The following PCDHGA1 variants were observed in gnomAD, a reference collection of about 807,000 sequenced individuals.
The protein encoded by PCDHGA1 is protocadherin gamma-A1.
Under a neutral mutation model 58.0 loss-of-function variants are expected in PCDHGA1, and 32 were observed. The ratio of observed to expected loss-of-function variants is 0.55; its 90% confidence interval spans 0.42 to 0.74. The LOEUF is 0.74. Among genes scored for constraint, PCDHGA1 ranks in the 30% least tolerant of loss-of-function variants. The probability of loss-of-function intolerance (pLI) is 0.00; values close to 1 mark genes in which losing one functional copy is unlikely to be tolerated. For missense variants in PCDHGA1, 1,205 were observed against 1,182.3 expected (o/e 1.02, Z -0.28); for synonymous variants, 498 against 501.1 (o/e 0.99, Z 0.08).
intron 1 of PCDHGA1, chr5:141,344,802 G>A (rs377526962): frequency 6.8e-5 from 109 of 1,613,864 alleles, no homozygotes; most frequent in Non-Finnish European, 1.9e-5. Flanking sequence ...GAACGTGCCT[G>A]TGGGTACCCG....
intron 1 of PCDHGA1, chr5:141,383,899 C>T (rs560928380): frequency 1.2e-6 from 2 of 1,613,958 alleles, no homozygotes; most frequent in African/African-American, 2.7e-5. Context: ...GGCAAAAGTA[C>T]TGATCACAGT....
chr5:141,440,902 G>C (rs138147244), intron 1 of PCDHGA1: 1 of 152,110 alleles, frequency 6.6e-6, no homozygotes, highest in Admixed American at 6.6e-5. Context: ...ATGTGCATCC[G>C]GGCACTCCTG....
chr5:141,495,982 T>C (rs2099765062), intron 2 of PCDHGA1, among the ~76,000 whole-genome samples: 2 of 152,144 alleles, frequency 1.3e-5, no homozygotes. Context: ...TACTCTTTCT[T>C]TATCTCTCTT....
chr5:141,389,832 C>G (rs758113562), intron 1 of PCDHGA1: 1 of 1,613,966 alleles, frequency 6.2e-7, no homozygotes, highest in Admixed American at 1.7e-5. Context: ...CGGTGGACAG[C>G]CACCACTCTC....
chr5:141,361,731 G>A, intron 1 of PCDHGA1: 3 of 1,613,190 alleles, frequency 1.9e-6, no homozygotes, highest in Non-Finnish European at 2.5e-6. Flanking sequence ...AGCTCACACT[G>A]CAGGCCCGCG....
At position 141,357,578 on chromosome 5, in the gene PCDHGA1, T is replaced by G. The variant is rs1343240769; in HGVS notation, c.2421+24473T>G. 11 of 1,614,084 alleles carry G rather than the reference T, an allele frequency of 6.8e-6. No individual in the cohort carries two copies. The highest frequency in any genetic ancestry group is 8.5e-6 in the Non-Finnish European group (10 of 1,180,040). On this transcript the variant is annotated intron_variant, in intron 1 of 3. Transcript: ENST00000517417. ...TGTGAGAAAAGCGAGCCTCTTCTGATAACTCAGGATTTACTTGAAACAAAA... is the reference window on the plus strand; with the variant it reads ...TGTGAGAAAAGCGAGCCTCTTCTGAGAACTCAGGATTTACTTGAAACAAAA...
At chr5:141,399,304 T>C (rs756847972) in intron 1 of PCDHGA1, 1 of 1,613,956 alleles carries the variant, frequency 6.2e-7, no homozygotes, top group Admixed American at 1.7e-5. Context: ...GATTATCTCT[T>C]CATCCAAAAA....
chr5:141,450,183 A>G (rs1461369835), intron 1 of PCDHGA1, among the ~76,000 whole-genome samples: 1 of 151,558 alleles, frequency 6.6e-6, no homozygotes, highest in Non-Finnish European at 1.5e-5. Context: ...ACACCCAGCT[A>G]ATTTTTGTAT....
rs11343387 is a variant in PCDHGA1 at position 141,497,209 on chromosome 5, TGG to T, written c.2480+2352_2480+2353del. On this transcript the variant is annotated intron_variant, in intron 2 of 3. Transcript: ENST00000517417. ...GAGGCAGAGAACAATGTGAGTGTAATGGGGGGGGGAAGATCAGAGAAGGCTTC... is the reference window on the plus strand; with the variant it reads ...GAGGCAGAGAACAATGTGAGTGTAATGGGGGGGAAGATCAGAGAAGGCTTC... Among the ~76,000 whole-genome samples the T allele has an allele frequency of 3.8e-3, 569 of 151,352 alleles. 5 individuals are homozygous for T. Among genetic ancestry groups the T allele is most frequent in the Admixed American group, 0.011 (162 of 15,190 alleles).
rs1756843663 is a variant in PCDHGA1, at chr5:141,339,495, A to G, written c.2421+6390A>G. The G allele has an allele frequency of 3.1e-6, 5 of 1,614,136 alleles. No individual in the cohort carries two copies. In the East Asian group the frequency reaches 6.7e-5, roughly 22 times the overall value. On this transcript the variant is annotated intron_variant, in intron 1 of 3. Coordinates refer to ENST00000517417, the MANE Select transcript of PCDHGA1 (RefSeq NM_018912.3). ...CTTCAGAAGTACGCACTCAACCCAA[A>G]TGACCACTTCTCCCTGGACGTGCGA... is the stretch of plus-strand genomic sequence containing the variant.
Position 141,349,827 on chromosome 5 carries a change from T to C in PCDHGA1, c.2421+16722T>C, listed in dbSNP as rs551311539. On this transcript the variant is annotated intron_variant, in intron 1 of 3. Coordinates refer to ENST00000517417, the MANE Select transcript of PCDHGA1 (RefSeq NM_018912.3). ...CCCCCAAAACTGAAAAAAATGGCAG[T>C]GTACCTTGTGAATTTTTTAAATGAA... Among the ~76,000 whole-genome samples the C allele has an allele frequency of 3.3e-5, 5 of 152,234 alleles. 1 individual carries two copies. Among genetic ancestry groups the C allele is most frequent in the Middle Eastern group, 6.8e-3 (2 of 294 alleles).
chr5:141,355,505 G>A, intron 1 of PCDHGA1: 1 of 1,614,044 alleles, frequency 6.2e-7, no homozygotes, highest in Non-Finnish European at 8.5e-7. Flanking sequence ...TCTCCAAACT[G>A]TGTGACAAAC....
intron 1 of PCDHGA1, among the ~76,000 whole-genome samples, chr5:141,463,025 T>G (rs2099051289): frequency 6.6e-6 from 1 of 152,202 alleles, no homozygotes; most frequent in Non-Finnish European, 1.5e-5. Flanking sequence ...ACTTTTTTGA[T>G]TAATCTGAGT....
intron 1 of PCDHGA1, among the ~76,000 whole-genome samples, chr5:141,353,206 T>A (rs1759215338): frequency 6.6e-6 from 1 of 152,198 alleles, no homozygotes. Context: ...TAAAGAGACC[T>A]GTTTCCTAGA....
chr5:141,450,006 C>CTATTTTTTT (rs70988802), intron 1 of PCDHGA1, among the ~76,000 whole-genome samples: 8 of 132,970 alleles, frequency 6.0e-5, no homozygotes, highest in African/African-American at 8.4e-5. Context: ...TGCCATGTCT[C>CTATTTTTTT]TTTTTTTTTT....
chr5:141,439,632 T>C (rs1335553818), intron 1 of PCDHGA1, among the ~76,000 whole-genome samples: 1 of 152,182 alleles, frequency 6.6e-6, no homozygotes, highest in Non-Finnish European at 1.5e-5. Context: ...TCCCCAGACA[T>C]TCCGGCTTGG....
intron 1 of PCDHGA1, among the ~76,000 whole-genome samples, chr5:141,447,233 G>A (rs565398752): frequency 2.6e-5 from 4 of 152,028 alleles, no homozygotes; most frequent in Non-Finnish European, 4.4e-5. Flanking sequence ...TCCGCCTCCC[G>A]GGTTCAAGTG....
At position 141,491,640 on chromosome 5, in the gene PCDHGA1, T is replaced by A; in HGVS notation, c.2422-3167T>A. 6.2e-7 allele frequency: 1 copy of A among 1,613,804 alleles called. No homozygotes were observed. Among genetic ancestry groups the A allele is most frequent in the South Asian group, 1.1e-5 (1 of 91,086 alleles). On this transcript the variant is annotated intron_variant, in intron 1 of 3. Coordinates refer to ENST00000517417, the MANE Select transcript of PCDHGA1 (RefSeq NM_018912.3). This position sits in a 1 kb window ranked among gnomAD's most constrained non-coding sequence, Gnocchi z 6.9. ...CCCTCAGCGTTCAGCAGCCCACAGC[T>A]CTGGCGCTGGAGCCTGACGCCATCC...
At chr5:141,352,486 G>T in intron 1 of PCDHGA1, 1 of 1,614,000 alleles carries the variant, frequency 6.2e-7, no homozygotes, top group Non-Finnish European at 8.5e-7. Context: ...ACAGCGAGGG[G>T]ACTTTGCCCT....
Sources: gnomAD v4.1 joint callset for allele counts (sites outside exome capture counted in the v4.1 genomes callset) on GRCh38, gnomAD v4.1.1 for gene constraint, Gnocchi (gnomAD v3.1) non-coding constraint, MANE v1.5 for transcripts, NCBI Gene and HGNC (gene_info 2026-07-23, HGNC 2026-07-21) for gene names.